GJC1: variants seen among roughly 807,000 people sequenced by gnomAD.
GJC1 encodes the protein gap junction protein gamma 1.
Under a neutral mutation model 29.3 loss-of-function variants are expected in GJC1, and 5 were observed. The ratio of observed to expected loss-of-function variants is 0.17; its 90% CI spans 0.09 to 0.36. The LOEUF (loss-of-function observed/expected upper bound fraction) is 0.36. GJC1 is among the 10% of genes least tolerant of loss of function. The probability of loss-of-function intolerance (pLI) is 1.00; values close to 1 mark genes in which losing one functional copy is unlikely to be tolerated. For synonymous variants in GJC1, 177 were observed against 183.3 expected (o/e 0.97, Z 0.28); for missense variants, 310 against 496.2 (o/e 0.62, Z 3.56).
intron 1 of GJC1, among the ~76,000 whole-genome samples, chr17:44,826,386 C>T (rs1257741814): frequency 6.6e-6 from 1 of 151,940 alleles, no homozygotes; most frequent in African/African-American, 2.4e-5. Context: ...AAAAATTAGC[C>T]GGGCATGGTG....
At chr17:44,813,344 A>G (rs1273693790) in intron 1 of GJC1, 1 of 152,102 alleles carries the variant, frequency 6.6e-6, no homozygotes, top group Non-Finnish European at 1.5e-5. Context: ...GGTGTGAGCC[A>G]CCGCACCCAG....
chr17:44,828,613 G>A (rs948515669), intron 1 of GJC1, among the ~76,000 whole-genome samples: 9 of 152,146 alleles, frequency 5.9e-5, no homozygotes, highest in Non-Finnish European at 8.8e-5. Flanking sequence ...CTTCTACCCA[G>A]AAAAGTTAGT....
rs1163950647 is a variant in GJC1, at chr17:44,824,931, AC to A, written c.-97+5130del. On this transcript the variant is annotated intron_variant, in intron 1 of 2. Transcript: ENST00000592524. Reference sequence around the variant, plus strand: ...TTTGGGGAAGAAAAAAAAAAAAAAAACGTTGGGATCCAGGTGCCTTGGCCTG... The same window carrying A: ...TTTGGGGAAGAAAAAAAAAAAAAAAAGTTGGGATCCAGGTGCCTTGGCCTG... 4.8e-4 allele frequency among the ~76,000 whole-genome samples: 72 copies of A among 150,332 alleles called. 1 individual carries two copies. The highest frequency in any genetic ancestry group is 1.0e-3 in the South Asian group (5 of 4,768).
At chr17:44,830,670 A>G (rs939692336), upstream of GJC1, 2 of 398,476 alleles carry the variant, frequency 5.0e-6, no homozygotes, top group African/African-American at 4.1e-5. The surrounding 1 kb of genome is among the most constrained non-coding windows in gnomAD (Gnocchi z 4.3). Flanking sequence ...GCGGGCCCAG[A>G]GTTGTCTTCT....
upstream of GJC1, chr17:44,830,341 A>C: frequency 5.9e-6 from 1 of 169,814 alleles, no homozygotes. The surrounding 1 kb of genome is among the most constrained non-coding windows in gnomAD (Gnocchi z 4.3). Flanking sequence ...GCGGCCCGGG[A>C]GCGGGGGGCG....
intron 2 of GJC1, among the ~76,000 whole-genome samples, chr17:44,806,432 C>G (rs2049914652): frequency 1.4e-5 from 2 of 147,714 alleles, no homozygotes; most frequent in African/African-American, 5.0e-5. Context: ...GACAGTTTCC[C>G]TCTTTCGCTC....
At chr17:44,806,395 CTGTT>C (rs1334001540) in intron 2 of GJC1, among the ~76,000 whole-genome samples, 50 of 123,606 alleles carry the variant, frequency 4.0e-4, no homozygotes, top group African/African-American at 1.3e-3. Context: ...CTTGGTTCTT[CTGTT>C]TGTTTTTTTT....
chr17:44,823,108 T>G (rs918532529), intron 1 of GJC1, among the ~76,000 whole-genome samples: 9 of 152,116 alleles, frequency 5.9e-5, no homozygotes, highest in Non-Finnish European at 1.0e-4. Flanking sequence ...AACATGTGAA[T>G]GAAAATAATC....
At chr17:44,820,871 GAC>G (rs2050098169) in intron 1 of GJC1, among the ~76,000 whole-genome samples, 2 of 152,188 alleles carry the variant, frequency 1.3e-5, no homozygotes, top group African/African-American at 4.8e-5. Context: ...ACTAGCTCGT[GAC>G]AATTTCTAAG....
chr17:44,794,319 G>C (rs1221569446), downstream of GJC1: 1 of 152,242 alleles, frequency 6.6e-6, no homozygotes, highest in Non-Finnish European at 1.5e-5. Context: ...ATCACTTCCC[G>C]ATGGTTTGAA....
At chr17:44,823,769 T>G (rs1239989951) in intron 1 of GJC1, among the ~76,000 whole-genome samples, 1 of 151,062 alleles carries the variant, frequency 6.6e-6, no homozygotes, top group African/African-American at 2.4e-5. Flanking sequence ...TGGAGTGCAG[T>G]GGCACAATCT....
At chr17:44,830,571 A>C (rs1411266222), upstream of GJC1, 1 of 398,300 alleles carries the variant, frequency 2.5e-6, no homozygotes, top group African/African-American at 2.1e-5. The surrounding 1 kb of genome is among the most constrained non-coding windows in gnomAD (Gnocchi z 4.3). Context: ...TTTTCGGGCG[A>C]GAGTCCCCCG....
At chr17:44,821,854 C>T (rs2050112205) in intron 1 of GJC1, among the ~76,000 whole-genome samples, 1 of 151,682 alleles carries the variant, frequency 6.6e-6, no homozygotes, top group Non-Finnish European at 1.5e-5. Context: ...TCAATAATTC[C>T]ACATTTAGTA....
chr17:44,816,281 A>G (rs1025131572), intron 1 of GJC1, among the ~76,000 whole-genome samples: 4 of 152,100 alleles, frequency 2.6e-5, no homozygotes, highest in African/African-American at 9.7e-5. Flanking sequence ...TTAGACAGAA[A>G]CCAAATGTGC....
Position 44,801,091 on chromosome 17 carries a change from G to A in GJC1, c.*3536C>T, listed in dbSNP as rs931105021. ...GAGTTCGAGACCAGCCTGCCAGCCT[G>A]GCCAACATGATGAAGCCCTGTCTAT... On this transcript the variant is annotated 3_prime_UTR_variant, in exon 3 of 3. Transcript: ENST00000592524. 1.3e-5 allele frequency: 2 copies of A among 152,038 alleles called. No individual in the cohort carries two copies. Among genetic ancestry groups the A allele is most frequent in the Admixed American group, 1.3e-4 (2 of 15,248 alleles). The allele number at this position is 152,038 out of a possible 1,614,324, so 9.4% of individuals were successfully genotyped here.
chr17:44,805,602 G>A lies in GJC1; in HGVS notation c.216C>T (p.Ser72=), dbSNP rs1450668093. The A allele has an allele frequency of 6.2e-7, 1 of 1,614,036 alleles. No homozygotes were observed. Among genetic ancestry groups the A allele is most frequent in the East Asian group, 2.2e-5 (1 of 44,898 alleles). The change falls in exon 3 of 3, where the codon TCC becomes TCT. Residue 72 remains serine (S), a synonymous_variant. Coordinates refer to ENST00000592524, the MANE Select transcript of GJC1 (RefSeq NM_005497.4). This position sits in a 1 kb window ranked among gnomAD's most constrained non-coding sequence, Gnocchi z 5.1. The stretch of plus-strand genomic sequence containing the variant: ...TCTGGAACACCCAGAAGCGTACATG[G>A]GAGAGAGGTGCAAACGCATCATAAC... ...NVCYDAFAPL[S]HVRFWVFQII... is the part of the protein sequence containing the mutation.
In GJC1 at chr17:44,803,334, T is replaced by G. The variant is rs750100569; in HGVS notation, c.*1293A>C. The G allele has an allele frequency of 9.2e-5, 14 of 152,098 alleles. No individual in the cohort carries two copies. Among genetic ancestry groups the G allele is most frequent in the Non-Finnish European group, 2.1e-4 (14 of 68,008 alleles). 9.4% of individuals were successfully genotyped at this position (152,098 alleles called of 1,614,324 possible). ...GATGAGAAAGCAAAGCTCTCCAACA[T>G]AAGGCTGAAAATGACAATAAAAGAC... On this transcript the variant is annotated 3_prime_UTR_variant, in exon 3 of 3. Transcript: ENST00000592524.
intron 1 of GJC1, chr17:44,807,685 G>C (rs950794400): frequency 6.6e-6 from 1 of 152,142 alleles, no homozygotes; most frequent in Non-Finnish European, 1.5e-5. Flanking sequence ...AGATTCTTAA[G>C]TCACCACAGT....
At chr17:44,813,917 GCC>G (rs1229837068) in intron 1 of GJC1, among the ~76,000 whole-genome samples, 18 of 152,074 alleles carry the variant, frequency 1.2e-4, no homozygotes, top group Admixed American at 1.2e-3. Context: ...CTCTAGGCAA[GCC>G]CCCTCCCTGG....
Sources: allele counts gnomAD v4.1 joint callset (sites outside exome capture counted in the v4.1 genomes callset), GRCh38; gene constraint gnomAD v4.1.1; non-coding constraint Gnocchi (gnomAD v3.1); transcripts MANE v1.5; gene names NCBI Gene and HGNC (gene_info 2026-07-23, HGNC 2026-07-21).